Variants in DAB2IP observed in about 807,000 individuals in gnomAD.
DAB2IP encodes the protein disabled homolog 2-interacting protein.
DAB2IP carries 28 observed loss-of-function variants against 107.2 expected under a neutral mutation model. The observed-to-expected ratio is 0.26, with a 90% CI of 0.19 to 0.36. DAB2IP has a LOEUF of 0.36. Among genes scored for constraint, DAB2IP ranks in the 10% least tolerant of loss-of-function variants. The pLI is 1.00. For missense variants in DAB2IP, 1,400 were observed against 1,644.7 expected (o/e 0.85, Z 2.57); for synonymous variants, 755 against 706.4 (o/e 1.07, Z -1.09).
chr9:121,711,763 C>G (rs1210946784), intron 3 of DAB2IP, among the ~76,000 whole-genome samples: 1 of 152,202 alleles, frequency 6.6e-6, no homozygotes, highest in South Asian at 2.1e-4. Flanking sequence ...TACCAGCTCT[C>G]CTGTGTGTGG....
rs148432350 is a variant in DAB2IP, at chr9:121,608,439, A to C, written c.40+41211A>C. Among the ~76,000 whole-genome samples the C allele has an allele frequency of 5.1e-3, 772 of 152,318 alleles. 4 individuals are homozygous for C. The highest frequency in any genetic ancestry group is 0.018 in the African/African-American group (731 of 41,566). On this transcript the variant is annotated intron_variant, in intron 1 of 16. Transcript: ENST00000259371. ...GGGTAGATTTTTAAGCAAAGCAGCA[A>C]GGATGGCAGGGAGACTGAGAATGAA...
At chr9:121,638,609 G>T (rs1832170594) in intron 1 of DAB2IP, among the ~76,000 whole-genome samples, 1 of 152,236 alleles carries the variant, frequency 6.6e-6, no homozygotes, top group South Asian at 2.1e-4. Context: ...GGCAGGGAAG[G>T]TGAGCCAGAA....
rs150090211 is a variant in DAB2IP at position 121,584,640 on chromosome 9, G to A, written c.40+17412G>A. 1.1e-4 allele frequency among the ~76,000 whole-genome samples: 16 copies of A among 152,300 alleles called. 2 individuals carry two copies. The East Asian group carries it at 3.1e-3, about 29-fold the overall frequency. On this transcript the variant is annotated intron_variant, in intron 1 of 16. Transcript: ENST00000259371. ...TATAAACATATGACGGAATGATCAG[G>A]AATCTGAAAGTAGGTTTTGTTGGGT...
At chr9:121,578,704 A>C (rs1830121216) in intron 1 of DAB2IP, among the ~76,000 whole-genome samples, 1 of 118,606 alleles carries the variant, frequency 8.4e-6, no homozygotes, top group Admixed American at 1.0e-4. Context: ...TCACTGCCTC[A>C]TCCTCTCCGG....
In DAB2IP at chr9:121,702,425, T is replaced by A. The variant is rs1179834076; in HGVS notation, c.362+2967T>A. Among the ~76,000 whole-genome samples the A allele has an allele frequency of 1.3e-5, 2 of 152,156 alleles. No homozygotes were observed. Among genetic ancestry groups the A allele is most frequent in the African/African-American group, 4.8e-5 (2 of 41,436 alleles). ...GGGGGCTGGGGGCTGTAGGACAGGC[T>A]TGAGCCTTCGGACTTATTCTTCTGA... On this transcript the variant is annotated intron_variant, in intron 3 of 15. Transcript: ENST00000408936. The surrounding 1 kb of genome is among the most constrained non-coding windows in gnomAD (Gnocchi z 4.5).
At position 121,772,145 on chromosome 9, in the gene DAB2IP, G is replaced by A. The variant is rs1022621515; in HGVS notation, c.2079-462G>A. 2.0e-5 allele frequency among the ~76,000 whole-genome samples: 3 copies of A among 152,194 alleles called. No homozygotes were observed. The highest frequency in any genetic ancestry group is 4.4e-5 in the Non-Finnish European group (3 of 68,036). ...GCTGGGCAAGAGGAGGTTTCACCGG[G>A]CCCCCACTTCAGTTACCAGTCTGAT... is the stretch of plus-strand genomic sequence containing the variant. On this transcript the variant is annotated intron_variant, in intron 11 of 15. Coordinates refer to ENST00000408936, the Ensembl canonical transcript of DAB2IP. This position sits in a 1 kb window ranked among gnomAD's most constrained non-coding sequence, Gnocchi z 4.7.
exon 16 of DAB2IP, chr9:121,783,201 TAGAC>T: frequency 3.5e-6 from 4 of 1,137,342 alleles, no homozygotes; most frequent in Non-Finnish European, 4.3e-6. Context: ...TATTGCCAGA[TAGAC>T]CCAGTGAGGG....
chr9:121,679,555 C>T (rs867722499), intron 2 of DAB2IP, among the ~76,000 whole-genome samples: 3 of 152,212 alleles, frequency 2.0e-5, no homozygotes, highest in Middle Eastern at 6.8e-3. Flanking sequence ...GACATAGACA[C>T]ATTCCTTTCT....
chr9:121,766,081 G>A (rs796541497), intron 8 of DAB2IP, among the ~76,000 whole-genome samples: 4 of 152,348 alleles, frequency 2.6e-5, no homozygotes, highest in African/African-American at 7.2e-5. Flanking sequence ...AGACCCAGAT[G>A]CCTGCTGTTT....
intron 1 of DAB2IP, among the ~76,000 whole-genome samples, chr9:121,642,460 C>T (rs1429198616): frequency 2.0e-5 from 3 of 150,334 alleles, no homozygotes; most frequent in Admixed American, 1.3e-4. Flanking sequence ...CAATTACAGG[C>T]GTGAGCCACC....
chr9:121,648,424 CA>C (rs1832616729), upstream of DAB2IP, among the ~76,000 whole-genome samples: 1 of 151,202 alleles, frequency 6.6e-6, no homozygotes, highest in South Asian at 2.1e-4. Context: ...GGAGGATGAC[CA>C]AGGGGGCTGA....
At chr9:121,781,415 CCT>C in intron 14 of DAB2IP, 47 bp from the exon 15 acceptor site, 1 of 1,590,538 alleles carries the variant, frequency 6.3e-7, no homozygotes, top group Non-Finnish European at 8.6e-7. Flanking sequence ...ACCCTCCCCA[CCT>C]CTGCTGCCTC....
intron 13 of DAB2IP, among the ~76,000 whole-genome samples, chr9:121,774,868 G>T (rs1835080858): frequency 6.6e-6 from 1 of 152,182 alleles, no homozygotes; most frequent in Non-Finnish European, 1.5e-5. Context: ...CCCAAGGCTT[G>T]TGCCTGCCCA....
chr9:121,642,588 G>A (rs1251217370), intron 1 of DAB2IP, among the ~76,000 whole-genome samples: 1 of 130,808 alleles, frequency 7.6e-6, no homozygotes, highest in Non-Finnish European at 1.5e-5. Flanking sequence ...GCCTTCCAAA[G>A]TGCTGGAACC....
At chr9:121,644,139 T>G (rs997464023) in intron 1 of DAB2IP, among the ~76,000 whole-genome samples, 3 of 150,986 alleles carry the variant, frequency 2.0e-5, no homozygotes, top group African/African-American at 7.3e-5. Flanking sequence ...CCACTGCATT[T>G]CAGCCTGGGC....
At position 121,633,276 on chromosome 9, in the gene DAB2IP, G is replaced by A. The variant is rs1026102367; in HGVS notation, c.41-45402G>A. 1.3e-5 allele frequency among the ~76,000 whole-genome samples: 2 copies of A among 152,082 alleles called. No homozygotes were observed. Among genetic ancestry groups the A allele is most frequent in the Non-Finnish European group, 2.9e-5 (2 of 68,026 alleles). On this transcript the variant is annotated intron_variant, in intron 1 of 16. Coordinates refer to the DAB2IP transcript ENST00000259371. The surrounding 1 kb of genome is among the most constrained non-coding windows in gnomAD (Gnocchi z 5.1). ...GGAAGCCTTCGAGGCCCAGAGAGAG[G>A]ACATTCCCGCTTGACCCTCCCCAGG... is the stretch of plus-strand genomic sequence containing the variant.
intron 8 of DAB2IP, among the ~76,000 whole-genome samples, chr9:121,766,107 G>A (rs1056632945): frequency 5.3e-5 from 8 of 152,218 alleles, no homozygotes; most frequent in African/African-American, 1.7e-4. Flanking sequence ...GAAAAATGAA[G>A]TAGACACTGG....
intron 1 of DAB2IP, among the ~76,000 whole-genome samples, chr9:121,574,299 C>T (rs918272962): frequency 6.6e-6 from 1 of 152,112 alleles, no homozygotes; most frequent in Non-Finnish European, 1.5e-5. Context: ...AAGACCTGGG[C>T]TCTCATCGAG....
chr9:121,573,272 T>G (rs1444299559), intron 1 of DAB2IP, among the ~76,000 whole-genome samples: 1 of 152,046 alleles, frequency 6.6e-6, no homozygotes, highest in African/African-American at 2.4e-5. Context: ...AGGCGGGGTT[T>G]CGCCATGTTG....
Sources: allele counts gnomAD v4.1 joint callset (sites outside exome capture counted in the v4.1 genomes callset), GRCh38; gene constraint gnomAD v4.1.1; non-coding constraint Gnocchi (gnomAD v3.1); transcripts MANE v1.5; gene names NCBI Gene and HGNC (gene_info 2026-07-23, HGNC 2026-07-21).